Variants in FMO5 observed in about 807,000 individuals in gnomAD.
The protein encoded by FMO5 is flavin containing dimethylaniline monoxygenase 5, also known as flavin-containing monooxygenase 5.
FMO5 carries 51 observed loss-of-function variants against 43.6 expected under a neutral mutation model. The ratio of observed to expected loss-of-function variants is 1.17; its 90% CI spans 0.93 to 1.48. FMO5 has a LOEUF of 1.48. Ranked by LOEUF, FMO5 falls within the 40% of genes most tolerant of loss-of-function variation. FMO5 has a pLI of 0.00. For synonymous variants in FMO5, 187 were observed against 216.5 expected (o/e 0.86, Z 1.20); for missense variants, 644 against 643.0 (o/e 1.00, Z -0.02).
chr1:147,209,065 G>C lies in FMO5; in HGVS notation c.631-14C>G. On this transcript the variant is annotated splice_polypyrimidine_tract_variant and intron_variant, in intron 5 of 8. Coordinates refer to ENST00000254090, the MANE Select transcript of FMO5 (RefSeq NM_001461.4). ...GCTGAGGAAAACCTGGGGCATGGAA[G>C]AAATTGTTTGCTTTTGTCACTCAGA... 2 of 1,607,708 alleles carry C rather than the reference G, an allele frequency of 1.2e-6. No homozygotes were observed. The highest frequency in any genetic ancestry group is 2.7e-5 in the African/African-American group (2 of 74,734).
Position 147,213,313 on chromosome 1 carries a change from AAGC to A in FMO5, c.479_481del (p.Ser160_Phe161delinsIle), listed in dbSNP as rs782647861. On this transcript the variant is annotated inframe_deletion, in exon 4 of 9. Transcript: ENST00000254090. Reference sequence around the variant, plus strand: ...CTTCCTGGTAAGCTGCTCACCAGGGAAGCTTTCCAGAGGTAGATGAGCATTGGT... The same window carrying A: ...CTTCCTGGTAAGCTGCTCACCAGGGATTTCCAGAGGTAGATGAGCATTGGT... 9 of 1,605,736 alleles carry A rather than the reference AAGC, an allele frequency of 5.6e-6. No homozygotes were observed. The East Asian group carries it at 1.8e-4, about 32-fold the overall frequency.
intron 1 of FMO5, 39 bp from the exon 2 acceptor site, chr1:147,225,105 G>T: frequency 1.2e-6 from 2 of 1,605,000 alleles, no homozygotes. Flanking sequence ...GCACACATCG[G>T]TTAACATTTT....
At chr1:147,209,457 G>A (rs1660744276) in intron 5 of FMO5, among the ~76,000 whole-genome samples, 2 of 106,214 alleles carry the variant, frequency 1.9e-5, no homozygotes, top group Non-Finnish European at 4.1e-5. Flanking sequence ...AAAAAAAAGA[G>A]TTCAAACTCA....
chr1:147,198,872 A>AAAAAAAAAAAAG (rs1553920319), intron 7 of FMO5, among the ~76,000 whole-genome samples: 4 of 144,594 alleles, frequency 2.8e-5, no homozygotes, highest in African/African-American at 7.9e-5. Context: ...AAAAAAAAAA[A>AAAAAAAAAAAAG]AAAGAAAGAA....
chr1:147,224,019 T>G (rs1388252302), intron 2 of FMO5: 2 of 420,580 alleles, frequency 4.8e-6, no homozygotes, highest in East Asian at 1.6e-4. Context: ...CAGCTGGTGG[T>G]GATTGCACAC....
intron 5 of FMO5, chr1:147,209,487 C>A (rs587641959): frequency 1.3e-5 from 2 of 155,508 alleles, no homozygotes; most frequent in East Asian, 1.9e-4. Flanking sequence ...CTTTTTAGCC[C>A]CTGCACAATC....
At chr1:147,198,578 C>G (rs1481821971) in intron 7 of FMO5, among the ~76,000 whole-genome samples, 1 of 151,736 alleles carries the variant, frequency 6.6e-6, no homozygotes, top group Non-Finnish European at 1.5e-5. Context: ...AGGCCGGGTA[C>G]AGTGACTCAT....
Position 147,187,247 on chromosome 1 carries a change from T to C in FMO5, c.1257-2A>G. ...GTATGGCGTTGGCTCTCCACATACC[T>C]AAAGTAGAAAAGACAGAAACCATGG... On this transcript the variant is annotated splice_acceptor_variant, in intron 8 of 8. Transcript: ENST00000254090. LOFTEE classifies it high-confidence loss of function. 6.3e-7 allele frequency: 1 copy of C among 1,579,840 alleles called. No homozygotes were observed. The highest frequency in any genetic ancestry group is 8.6e-7 in the Non-Finnish European group (1 of 1,163,674).
chr1:147,195,278 C>G (rs1379733064), intron 7 of FMO5, among the ~76,000 whole-genome samples: 2 of 152,020 alleles, frequency 1.3e-5, no homozygotes, highest in Admixed American at 1.3e-4. Flanking sequence ...TCACTGATAT[C>G]CTACCAAACC....
chr1:147,223,636 G>T, intron 2 of FMO5: 1 of 156,350 alleles, frequency 6.4e-6, no homozygotes, highest in South Asian at 1.8e-4. Context: ...AAAAAGTTGT[G>T]AATCCTCTGT....
intron 6 of FMO5, chr1:147,203,765 C>T: frequency 6.5e-7 from 1 of 1,534,790 alleles, no homozygotes; most frequent in Non-Finnish European, 9.0e-7. Context: ...ATCTACTGCC[C>T]TTTCTATGTC....
At chr1:147,203,175 A>C in intron 6 of FMO5, 1 of 632,492 alleles carries the variant, frequency 1.6e-6, no homozygotes, top group South Asian at 2.2e-5. Context: ...ATACAAACAC[A>C]AAATACCTCT....
downstream of FMO5, chr1:147,184,596 A>C (rs782157270): frequency 1.1e-5 from 17 of 1,548,508 alleles, 1 homozygote; most frequent in South Asian, 2.0e-4. The surrounding 1 kb of genome is among the most constrained non-coding windows in gnomAD (Gnocchi z 4.4). Context: ...ATATTCTTCA[A>C]CTTGGGTTTG....
Position 147,215,831 on chromosome 1 carries a change from T to A in FMO5, c.247A>T (p.Met83Leu). 6.2e-7 allele frequency: 1 copy of A among 1,613,518 alleles called. No individual in the cohort carries two copies. Among genetic ancestry groups the A allele is most frequent in the East Asian group, 2.2e-5 (1 of 44,866 alleles). ...YPIPDHYPNFMHNAQVLEYFR... is the reference protein window; with the variant it reads ...YPIPDHYPNFLHNAQVLEYFR... ...TACTCCAGGACCTGGGCATTATGCA[T>A]GAAGTTGGGATAATGATCTGGGATT... Residue 83 changes from methionine (M) to leucine (L), a missense_variant, in exon 3 of 9, where the codon ATG (methionine) becomes TTG (leucine). Transcript: ENST00000254090.
At chr1:147,219,108 T>C (rs1202468723) in intron 2 of FMO5, among the ~76,000 whole-genome samples, 8 of 152,192 alleles carry the variant, frequency 5.3e-5, no homozygotes, top group Non-Finnish European at 1.0e-4. Flanking sequence ...TAATGAATTA[T>C]GGAAATTGAA....
At chr1:147,212,825 CTT>C (rs1661304789) in intron 4 of FMO5, among the ~76,000 whole-genome samples, 1 of 152,052 alleles carries the variant, frequency 6.6e-6, no homozygotes, top group South Asian at 2.1e-4. Context: ...CCTCCATTCT[CTT>C]TTATCTTTTC....
chr1:147,188,126 TA>T (rs1244833963), intron 8 of FMO5, among the ~76,000 whole-genome samples: 1 of 152,070 alleles, frequency 6.6e-6, no homozygotes, highest in Non-Finnish European at 1.5e-5. Context: ...GAGAAAAAGG[TA>T]AAACAGTAAA....
At chr1:147,224,275 C>T (rs1352338460) in intron 2 of FMO5, 1 of 204,826 alleles carries the variant, frequency 4.9e-6, no homozygotes, top group Non-Finnish European at 9.9e-6. Flanking sequence ...AGGCAATGTC[C>T]TGGGTCCTAA....
At chr1:147,227,238 A>G (rs1553928062), upstream of FMO5, among the ~76,000 whole-genome samples, 1 of 152,236 alleles carries the variant, frequency 6.6e-6, no homozygotes, top group African/African-American at 2.4e-5. Flanking sequence ...CAGTGTTTCA[A>G]CACAACCATT....
Sources: gnomAD v4.1 joint callset for allele counts (sites outside exome capture counted in the v4.1 genomes callset) on GRCh38, gnomAD v4.1.1 for gene constraint, Gnocchi (gnomAD v3.1) non-coding constraint, MANE v1.5 for transcripts, NCBI Gene and HGNC (gene_info 2026-07-23, HGNC 2026-07-21) for gene names.